The following GMEB2 variants were observed in gnomAD, a reference collection of about 807,000 sequenced individuals.
The protein encoded by GMEB2 is glucocorticoid modulatory element-binding protein 2.
In GMEB2, 7 loss-of-function variants were observed where a neutral mutation model predicts 45.7. The ratio of observed to expected loss-of-function variants is 0.15; its 90% CI spans 0.09 to 0.29. The LOEUF (loss-of-function observed/expected upper bound fraction) is 0.29. Among genes scored for constraint, GMEB2 ranks in the 10% least tolerant of loss-of-function variants. The pLI, the probability that GMEB2 is intolerant of heterozygous loss-of-function variation, is 1.00. For missense variants in GMEB2, 582 were observed against 739.2 expected, an observed-to-expected ratio of 0.79 and a Z score of 2.47; for synonymous variants, 322 against 323.6, an observed-to-expected ratio of 1.00 and a Z score of 0.05.
chr20:63,604,190 C>T (rs975438789), intron 3 of GMEB2, among the ~76,000 whole-genome samples: 5 of 141,268 alleles, frequency 3.5e-5, no homozygotes, highest in African/African-American at 1.3e-4. Flanking sequence ...ACAGTGGGAC[C>T]CTATTTCTTG....
intron 2 of GMEB2, among the ~76,000 whole-genome samples, chr20:63,612,272 AG>A (rs1455744816): frequency 6.6e-6 from 1 of 152,224 alleles, no homozygotes; most frequent in East Asian, 1.9e-4. Context: ...ATCTGGCCAA[AG>A]GGCCACCCTG....
At position 63,604,071 on chromosome 20, in the gene GMEB2, CAG is replaced by C. The variant is rs1281923968; in HGVS notation, c.229+670_229+671del. Among the ~76,000 whole-genome samples the C allele has an allele frequency of 5.8e-5, 6 of 104,006 alleles. No individual in the cohort carries two copies. The South Asian group carries it at 9.8e-4, about 17-fold the overall frequency. 68.2% of individuals were successfully genotyped at this position (104,006 alleles called of 152,430 possible). A position where few individuals can be genotyped will look rare whatever the true frequency, so the allele number is the denominator to read the frequency against. ...TCCGTCTCAAAAAAAAAAAAAAAAA[CAG>C]AATTTTTACTGGCCAGGCTCAGTGG... is the stretch of plus-strand genomic sequence containing the variant. On this transcript the variant is annotated intron_variant, in intron 3 of 9. Coordinates refer to ENST00000370077, the MANE Select transcript of GMEB2 (RefSeq NM_012384.5).
chr20:63,599,239 GC>G (rs1458555807), intron 4 of GMEB2, among the ~76,000 whole-genome samples: 3 of 151,986 alleles, frequency 2.0e-5, no homozygotes, highest in Non-Finnish European at 4.4e-5. Flanking sequence ...AACTCGGCCC[GC>G]TCCTGACCCT....
At chr20:63,623,381 A>G (rs1383849070) in intron 1 of GMEB2, among the ~76,000 whole-genome samples, 55 of 152,188 alleles carry the variant, frequency 3.6e-4, no homozygotes, top group Admixed American at 6.6e-5. Flanking sequence ...GAAAGTTACA[A>G]TGATGAATTC....
intron 4 of GMEB2, among the ~76,000 whole-genome samples, chr20:63,601,330 ACT>A (rs993560248): frequency 4.0e-5 from 6 of 151,158 alleles, no homozygotes; most frequent in Admixed American, 6.6e-5. Flanking sequence ...AAGTTCTCAG[ACT>A]CTCTCTCCTC....
In GMEB2 at chr20:63,588,953, G is replaced by C. The variant is rs927912432; in HGVS notation, c.*1136C>G. ...CAGACAGGCTCTGGGCTCCACCTTCGGCAGCTGCCCTGAGCAGCCCACCCG... is the reference window on the plus strand; with the variant it reads ...CAGACAGGCTCTGGGCTCCACCTTCCGCAGCTGCCCTGAGCAGCCCACCCG... On this transcript the variant is annotated 3_prime_UTR_variant, in exon 10 of 10. Transcript: ENST00000370077. 5.0e-6 allele frequency: 2 copies of C among 398,946 alleles called. No individual in the cohort carries two copies. Among genetic ancestry groups the C allele is most frequent in the Non-Finnish European group, 8.8e-6 (2 of 226,320 alleles). 24.7% of individuals were successfully genotyped at this position (398,946 alleles called of 1,614,324 possible).
intron 5 of GMEB2, among the ~76,000 whole-genome samples, chr20:63,596,131 C>T (rs1200139086): frequency 6.6e-6 from 1 of 152,240 alleles, no homozygotes; most frequent in Admixed American, 6.5e-5. Flanking sequence ...GCCCAGTCCA[C>T]CTGCATCATG....
rs2083107872 is a variant in GMEB2, at chr20:63,587,879, GC to G, written c.*2209del. ...AGAACTGGGAGGTCCAGGGAACCCT[GC>G]CCCCGAGGAGCCAGCAGGACCTGGA... On this transcript the variant is annotated 3_prime_UTR_variant, in exon 10 of 10. Transcript: ENST00000370077. The G allele has an allele frequency of 1.3e-5, 2 of 152,380 alleles. No homozygotes were observed. Among genetic ancestry groups the G allele is most frequent in the Non-Finnish European group, 2.9e-5 (2 of 68,100 alleles). The allele number at this position is 152,380 out of a possible 1,614,324, so 9.4% of individuals were successfully genotyped here.
In GMEB2 at chr20:63,622,511, C is replaced by T. The variant is rs568617646; in HGVS notation, c.-57-3057G>A. Among the ~76,000 whole-genome samples the T allele has an allele frequency of 6.6e-5, 10 of 152,258 alleles. No homozygotes were observed. In the South Asian group the frequency reaches 1.9e-3, roughly 28 times the overall value. ...CTGAATGTCTTAGGGAGAGGAAGTC[C>T]GCAAGAGAACAAAAGGTCCTCAGGC... On this transcript the variant is annotated intron_variant, in intron 1 of 9. Transcript: ENST00000370077.
intron 1 of GMEB2, among the ~76,000 whole-genome samples, chr20:63,625,300 C>A (rs1022912978): frequency 2.0e-5 from 3 of 151,706 alleles, no homozygotes; most frequent in African/African-American, 7.3e-5. Context: ...CTCAGCCTCC[C>A]GAGTAGCTGG....
At chr20:63,624,395 C>G (rs2089657031) in intron 1 of GMEB2, among the ~76,000 whole-genome samples, 1 of 150,842 alleles carries the variant, frequency 6.6e-6, no homozygotes, top group Non-Finnish European at 1.5e-5. Flanking sequence ...TGCCACTGCA[C>G]TCCAGCCTAG....
Position 63,588,702 on chromosome 20 carries a change from T to C in GMEB2, c.*1387A>G, listed in dbSNP as rs750116434. The C allele has an allele frequency of 2.5e-6, 1 of 398,524 alleles. No individual in the cohort carries two copies. The highest frequency in any genetic ancestry group is 4.4e-6 in the Non-Finnish European group (1 of 226,090). 24.7% of individuals were successfully genotyped at this position (398,524 alleles called of 1,614,324 possible). On this transcript the variant is annotated 3_prime_UTR_variant, in exon 10 of 10. Transcript: ENST00000370077. ...GAAGTGGGACACAGGACCCTCGCAT[T>C]GCGGGGCCTCAGACGGGCCTTCAAC...
intron 2 of GMEB2, among the ~76,000 whole-genome samples, chr20:63,612,261 C>T (rs1016911715): frequency 6.6e-6 from 1 of 152,210 alleles, no homozygotes; most frequent in Non-Finnish European, 1.5e-5. Context: ...TTTCTGGCCG[C>T]ATCTGGCCAA....
chr20:63,616,758 C>T (rs760594347), intron 2 of GMEB2, among the ~76,000 whole-genome samples: 2 of 152,228 alleles, frequency 1.3e-5, no homozygotes, highest in Admixed American at 6.5e-5. Context: ...CCATCCTCAG[C>T]CCCACTGGCA....
intron 1 of GMEB2, among the ~76,000 whole-genome samples, chr20:63,620,152 GC>G (rs1178620476): frequency 2.0e-5 from 3 of 152,184 alleles, no homozygotes; most frequent in Non-Finnish European, 4.4e-5. Context: ...ACTCACCTCG[GC>G]CTCCCAAAGT....
Position 63,588,426 on chromosome 20 carries a change from T to A in GMEB2, c.*1663A>T, listed in dbSNP as rs956873868. The A allele has an allele frequency of 4.8e-5, 10 of 210,052 alleles. No homozygotes were observed. The Admixed American group carries it at 5.4e-4, about 11-fold the overall frequency. 13.0% of individuals were successfully genotyped at this position (210,052 alleles called of 1,614,324 possible). A position where few individuals can be genotyped will look rare whatever the true frequency, so the allele number is the denominator to read the frequency against. ...ACCCCCGTAGGGTCATACCGCTGCA[T>A]GCTGCAGAACTCAACTAGAGTGGAA... On this transcript the variant is annotated 3_prime_UTR_variant, in exon 10 of 10. Transcript: ENST00000370077.
chr20:63,618,828 C>G (rs564635069), intron 2 of GMEB2, among the ~76,000 whole-genome samples: 1 of 152,304 alleles, frequency 6.6e-6, no homozygotes, highest in South Asian at 2.1e-4. Context: ...ACAAAGCTGG[C>G]AGTTTGGGCA....
intron 1 of GMEB2, among the ~76,000 whole-genome samples, chr20:63,622,653 G>C (rs546678093): frequency 6.6e-6 from 1 of 152,230 alleles, no homozygotes; most frequent in South Asian, 2.1e-4. Context: ...CCAAGGTAAA[G>C]GGCCACAGGC....
rs1390957448 is a variant in GMEB2 at position 63,587,932 on chromosome 20, C to T, written c.*2157G>A. Reference sequence around the variant, plus strand: ...GAGCCGGGGGCGGTGCTGACAACAACCTTCCCCACCCACTGCAGTGTGGTT... The same window carrying T: ...GAGCCGGGGGCGGTGCTGACAACAATCTTCCCCACCCACTGCAGTGTGGTT... On this transcript the variant is annotated 3_prime_UTR_variant, in exon 10 of 10. Transcript: ENST00000370077. 6 of 152,348 alleles carry T rather than the reference C, an allele frequency of 3.9e-5. No homozygotes were observed. Among genetic ancestry groups the T allele is most frequent in the Non-Finnish European group, 8.8e-5 (6 of 68,080 alleles). 9.4% of individuals were successfully genotyped at this position (152,348 alleles called of 1,614,324 possible).
Sources: gnomAD v4.1 joint callset for allele counts (sites outside exome capture counted in the v4.1 genomes callset) on GRCh38, gnomAD v4.1.1 for gene constraint, MANE v1.5 for transcripts, NCBI Gene and HGNC (gene_info 2026-07-23, HGNC 2026-07-21) for gene names.